The following SRGAP2C variants were observed in gnomAD, a reference collection of about 807,000 sequenced individuals.
The protein encoded by SRGAP2C is SLIT-ROBO Rho GTPase-activating protein 2C.
SRGAP2C carries 15 observed loss-of-function variants against 25.1 expected under a neutral mutation model. The observed-to-expected ratio is 0.60, with a 90% CI of 0.40 to 0.92. The LOEUF is 0.92. SRGAP2C is among the 40% of genes least tolerant of loss of function. The pLI is 0.00. For missense variants in SRGAP2C, 144 were observed against 264.4 expected, an observed-to-expected ratio of 0.54 and a Z score of 3.16; for synonymous variants, 44 against 96.6, an observed-to-expected ratio of 0.46 and a Z score of 3.19.
chr1:121,188,783 C>T (rs2101359080), intron 2 of SRGAP2C, among the ~76,000 whole-genome samples: 1 of 147,972 alleles, frequency 6.8e-6, no homozygotes, highest in East Asian at 2.0e-4. Flanking sequence ...CTGAAGTCCT[C>T]ATTGTACCTA....
At chr1:121,243,361 TC>T (rs1387942055) in intron 2 of SRGAP2C, among the ~76,000 whole-genome samples, 1 of 126,852 alleles carries the variant, frequency 7.9e-6, no homozygotes, top group Non-Finnish European at 1.6e-5. Context: ...TTGTATACCT[TC>T]ATTCTCAGTA....
At position 121,390,794 on chromosome 1, in the gene SRGAP2C, G is replaced by A. The variant is rs1374498015; in HGVS notation, c.*2939G>A. ...GGCGGCTCATGCCTGTAATCCCAGC[G>A]CTGTGGGAGCCTGAGGCGGGTGGGT... On this transcript the variant is annotated 3_prime_UTR_variant, in exon 10 of 10. Transcript: ENST00000367123. The A allele has an allele frequency of 2.0e-4, 30 of 151,612 alleles. No homozygotes were observed. Among genetic ancestry groups the A allele is most frequent in the African/African-American group, 6.1e-4 (25 of 41,316 alleles). 9.4% of individuals were successfully genotyped at this position (151,612 alleles called of 1,614,324 possible). A position where few individuals can be genotyped will look rare whatever the true frequency, so the allele number is the denominator to read the frequency against.
chr1:121,346,917 C>T (rs1658759698), intron 4 of SRGAP2C, among the ~76,000 whole-genome samples: 1 of 151,984 alleles, frequency 6.6e-6, no homozygotes, highest in Admixed American at 6.6e-5. Context: ...TCATGCCCTC[C>T]TCAAATGCAT....
chr1:121,222,425 T>C (rs1655552554), intron 2 of SRGAP2C, among the ~76,000 whole-genome samples: 1 of 151,946 alleles, frequency 6.6e-6, no homozygotes, highest in Non-Finnish European at 1.5e-5. Flanking sequence ...ACCCAGGAGA[T>C]CGAGAGCAGC....
chr1:121,376,865 G>A lies in SRGAP2C; in HGVS notation c.831+1911G>A, dbSNP rs376291047. Among the ~76,000 whole-genome samples, 30 of 139,090 alleles carry A rather than the reference G, an allele frequency of 2.2e-4. No individual in the cohort carries two copies. The South Asian group carries it at 2.9e-3, about 14-fold the overall frequency. The allele number at this position is 139,090 out of a possible 152,430, so 91.2% of individuals were successfully genotyped here. On this transcript the variant is annotated intron_variant, in intron 7 of 9. Coordinates refer to ENST00000367123, the MANE Select transcript of SRGAP2C (RefSeq NM_001329984.2). ...ATGCACAATTTCTGCTATTTATCTCGCATTTGGTAAAAATTCAGACTGTGC... is the reference window on the plus strand; with the variant it reads ...ATGCACAATTTCTGCTATTTATCTCACATTTGGTAAAAATTCAGACTGTGC...
chr1:121,363,942 A>G (rs1553349049), intron 4 of SRGAP2C, among the ~76,000 whole-genome samples: 1 of 152,126 alleles, frequency 6.6e-6, no homozygotes, highest in Admixed American at 6.5e-5. Context: ...TTTCCTTATT[A>G]TAATAAATAT....
intron 4 of SRGAP2C, among the ~76,000 whole-genome samples, chr1:121,353,007 G>C (rs1309585917): frequency 6.6e-6 from 1 of 150,770 alleles, no homozygotes; most frequent in Non-Finnish European, 1.5e-5. Flanking sequence ...GGAGAATGGC[G>C]TGAACCCGGG....
At chr1:121,198,095 A>G (rs1654880152) in intron 2 of SRGAP2C, among the ~76,000 whole-genome samples, 1 of 38,486 alleles carries the variant, frequency 2.6e-5, no homozygotes, top group African/African-American at 1.1e-4. Context: ...AAGCAGGAAA[A>G]TGGTCCCTTA....
At chr1:121,188,119 A>G (rs1654569249) in intron 2 of SRGAP2C, among the ~76,000 whole-genome samples, 2 of 152,194 alleles carry the variant, frequency 1.3e-5, no homozygotes, top group African/African-American at 2.4e-5. Context: ...GGCCACCCAC[A>G]CCCGGTCTCC....
At chr1:121,339,635 A>T (rs1658606100) in intron 4 of SRGAP2C, among the ~76,000 whole-genome samples, 1 of 141,390 alleles carries the variant, frequency 7.1e-6, no homozygotes, top group Non-Finnish European at 1.5e-5. Context: ...GTCTTTTTGG[A>T]AATCACTTGT....
intron 3 of SRGAP2C, among the ~76,000 whole-genome samples, chr1:121,304,092 T>A (rs1570771698): frequency 6.6e-6 from 1 of 151,356 alleles, no homozygotes; most frequent in Non-Finnish European, 1.5e-5. Context: ...GCACATGTGG[T>A]CCCAGCTACT....
At chr1:121,204,691 G>C (rs1393537802) in intron 2 of SRGAP2C, among the ~76,000 whole-genome samples, 3 of 152,150 alleles carry the variant, frequency 2.0e-5, no homozygotes, top group Admixed American at 2.0e-4. Context: ...TGCAATACCT[G>C]CTCCCGGATT....
At chr1:121,367,174 T>C (rs1553349662) in intron 5 of SRGAP2C, among the ~76,000 whole-genome samples, 2 of 152,038 alleles carry the variant, frequency 1.3e-5, no homozygotes, top group Admixed American at 1.3e-4. Context: ...TCCCCTGCCA[T>C]AAGGTGAGCT....
intron 2 of SRGAP2C, among the ~76,000 whole-genome samples, chr1:121,268,475 G>A (rs797035468): frequency 1.3e-5 from 2 of 151,254 alleles, no homozygotes; most frequent in East Asian, 3.9e-4. Flanking sequence ...CTGCAGTGTG[G>A]AGAGTAGACT....
chr1:121,316,904 T>G (rs2101603151), intron 3 of SRGAP2C, among the ~76,000 whole-genome samples: 1 of 151,350 alleles, frequency 6.6e-6, no homozygotes, highest in African/African-American at 2.4e-5. Flanking sequence ...AGCCTCTTTA[T>G]TCATTCCTCC....
intron 2 of SRGAP2C, among the ~76,000 whole-genome samples, chr1:121,208,835 G>A (rs587636498): frequency 6.6e-6 from 1 of 152,262 alleles, no homozygotes; most frequent in Admixed American, 6.5e-5. Flanking sequence ...TTTTTGAAAG[G>A]CATATATGTG....
intron 5 of SRGAP2C, among the ~76,000 whole-genome samples, chr1:121,370,240 A>G (rs1312171048): frequency 9.8e-6 from 1 of 101,872 alleles, no homozygotes; most frequent in Admixed American, 1.1e-4. Flanking sequence ...CTGGGAGCTG[A>G]GTTGTGAAGA....
In SRGAP2C at chr1:121,288,569, G is replaced by A. The variant is rs1325920537; in HGVS notation, c.260+3574G>A. 1.3e-3 allele frequency among the ~76,000 whole-genome samples: 81 copies of A among 60,126 alleles called. 1 individual carries two copies. The highest frequency in any genetic ancestry group is 3.1e-3 in the South Asian group (7 of 2,290). The allele number at this position is 60,126 out of a possible 152,430, so 39.4% of individuals were successfully genotyped here. ...TGAGCTAGACATAAAGGTTCTCCAC[G>A]TCCTCACCAGAGCAGCTAGATACAG... is the stretch of plus-strand genomic sequence containing the variant. On this transcript the variant is annotated intron_variant, in intron 3 of 9. Transcript: ENST00000367123.
intron 7 of SRGAP2C, among the ~76,000 whole-genome samples, chr1:121,375,943 A>C (rs1429553578): frequency 6.6e-6 from 1 of 151,388 alleles, no homozygotes; most frequent in Non-Finnish European, 1.5e-5. Context: ...TGTGATGCAA[A>C]GGGGATTGAG....
Sources: allele counts gnomAD v4.1 joint callset (sites outside exome capture counted in the v4.1 genomes callset), GRCh38; gene constraint gnomAD v4.1.1; transcripts MANE v1.5; gene names NCBI Gene and HGNC (gene_info 2026-07-23, HGNC 2026-07-21).